MBOAT2: variants seen among roughly 807,000 people sequenced by gnomAD.
MBOAT2 encodes membrane bound glycerophospholipid O-acyltransferase 2.
MBOAT2 carries 28 observed loss-of-function variants against 63.4 expected under a neutral mutation model. That is an observed-to-expected ratio of 0.44 (90% CI 0.33 to 0.61). The LOEUF is 0.61. MBOAT2 is among the 20% of genes least tolerant of loss of function. The pLI is 0.03. For synonymous variants in MBOAT2, 211 were observed against 215.6 expected (o/e 0.98, Z 0.19); for missense variants, 470 against 605.8 (o/e 0.78, Z 2.35).
At position 8,854,860 on chromosome 2, in the gene MBOAT2, TA is replaced by T. The variant is rs535594721; in HGVS notation, c.*3818del. 3.9e-5 allele frequency: 6 copies of T among 152,360 alleles called. No homozygotes were observed. In the East Asian group the frequency reaches 1.2e-3, roughly 29 times the overall value. The allele number at this position is 152,360 out of a possible 1,614,324, so 9.4% of individuals were successfully genotyped here. A position where few individuals can be genotyped will look rare whatever the true frequency, so the allele number is the denominator to read the frequency against. On this transcript the variant is annotated 3_prime_UTR_variant, in exon 13 of 13. Coordinates refer to ENST00000305997, the MANE Select transcript of MBOAT2 (RefSeq NM_138799.4). ...AGGTGTAACTAAACTAAATATGCTT[TA>T]AATATCCTTGAATAACTTTGAGATG...
chr2:8,947,720 G>A (rs959806535), intron 2 of MBOAT2, among the ~76,000 whole-genome samples: 20 of 152,134 alleles, frequency 1.3e-4, no homozygotes, highest in African/African-American at 4.3e-4. Flanking sequence ...GCCCCTTGTC[G>A]AGATCCATTG....
At position 8,857,313 on chromosome 2, in the gene MBOAT2, C is replaced by T. The variant is rs1321917290; in HGVS notation, c.*1366G>A. 6.6e-6 allele frequency: 1 copy of T among 152,668 alleles called. No individual in the cohort carries two copies. Among genetic ancestry groups the T allele is most frequent in the Non-Finnish European group, 1.5e-5 (1 of 68,050 alleles). The allele number at this position is 152,668 out of a possible 1,614,324, so 9.5% of individuals were successfully genotyped here. A position where few individuals can be genotyped will look rare whatever the true frequency, so the allele number is the denominator to read the frequency against. On this transcript the variant is annotated 3_prime_UTR_variant, in exon 13 of 13. Coordinates refer to ENST00000305997, the MANE Select transcript of MBOAT2 (RefSeq NM_138799.4). ...GTACAATCTGGGGCTGAGGCCACTC[C>T]ACTGCCTGGCATCAAATCCCACTCT...
intron 4 of MBOAT2, among the ~76,000 whole-genome samples, chr2:8,888,606 A>G (rs1292659667): frequency 6.6e-6 from 1 of 152,208 alleles, no homozygotes; most frequent in East Asian, 1.9e-4. Flanking sequence ...AAATGGCATT[A>G]TTTTCCCATA....
Position 8,939,902 on chromosome 2 carries a change from T to C in MBOAT2, c.299+3285A>G, listed in dbSNP as rs552892624. On this transcript the variant is annotated intron_variant, in intron 3 of 12. Coordinates refer to ENST00000305997, the MANE Select transcript of MBOAT2 (RefSeq NM_138799.4). ...TAATTCCTTTAACAGCAATAGTTTT[T>C]CGTTTCATAAAAAGTGATAAAGGGC... 2.0e-5 allele frequency among the ~76,000 whole-genome samples: 3 copies of C among 152,334 alleles called. 1 individual carries two copies. The South Asian group carries it at 6.2e-4, about 32-fold the overall frequency.
At chr2:9,001,380 T>G (rs1318250366) in intron 1 of MBOAT2, among the ~76,000 whole-genome samples, 5 of 152,178 alleles carry the variant, frequency 3.3e-5, no homozygotes, top group Admixed American at 6.5e-5. Flanking sequence ...CACATTAGGT[T>G]TGTTTACACT....
At chr2:8,951,834 C>T (rs979316038) in intron 2 of MBOAT2, among the ~76,000 whole-genome samples, 5 of 152,116 alleles carry the variant, frequency 3.3e-5, no homozygotes, top group Non-Finnish European at 7.4e-5. Context: ...GTTAATCTAG[C>T]TAGCAATCTA....
chr2:8,864,142 T>C (rs1389428393), intron 10 of MBOAT2, 28 bp downstream of exon 10: 1 of 1,516,378 alleles, frequency 6.6e-7, no homozygotes, highest in Non-Finnish European at 8.9e-7. Context: ...CCAAAGCACA[T>C]CTAAAGATCG....
chr2:8,966,876 A>C (rs559133113), intron 1 of MBOAT2, among the ~76,000 whole-genome samples: 13 of 152,328 alleles, frequency 8.5e-5, no homozygotes, highest in African/African-American at 2.9e-4. Context: ...GGGGACTAGG[A>C]GAGGCATGTA....
At chr2:8,908,994 T>A (rs1020079282) in intron 3 of MBOAT2, among the ~76,000 whole-genome samples, 3 of 152,200 alleles carry the variant, frequency 2.0e-5, no homozygotes, top group Non-Finnish European at 4.4e-5. Flanking sequence ...ATCACAAGCA[T>A]AAACCTGTGG....
chr2:8,934,314 AT>A (rs899752926), intron 3 of MBOAT2, among the ~76,000 whole-genome samples: 1 of 152,006 alleles, frequency 6.6e-6, no homozygotes, highest in Non-Finnish European at 1.5e-5. Flanking sequence ...TATTTAGAGT[AT>A]TTTTTTTAAT....
intron 1 of MBOAT2, among the ~76,000 whole-genome samples, chr2:8,974,625 G>C (rs998010344): frequency 1.3e-5 from 2 of 152,166 alleles, no homozygotes; most frequent in Non-Finnish European, 2.9e-5. Flanking sequence ...GCCTCTGAGG[G>C]TGGAGGATGT....
At chr2:8,976,278 A>AT (rs1485298048) in intron 1 of MBOAT2, among the ~76,000 whole-genome samples, 2 of 152,116 alleles carry the variant, frequency 1.3e-5, no homozygotes, top group African/African-American at 4.8e-5. Context: ...CAGGCTAATA[A>AT]TGAGTGCTTG....
chr2:8,880,435 G>A (rs1663026869), intron 6 of MBOAT2, among the ~76,000 whole-genome samples: 1 of 152,156 alleles, frequency 6.6e-6, no homozygotes, highest in Non-Finnish European at 1.5e-5. Flanking sequence ...GGAGGAGGGA[G>A]ACAAATCAGA....
chr2:8,974,429 G>A (rs949847501), intron 1 of MBOAT2: 7 of 456,338 alleles, frequency 1.5e-5, no homozygotes, highest in African/African-American at 1.0e-4. Flanking sequence ...ATCATGTGGC[G>A]GGCAGCCTAG....
rs1387270434 is a variant in MBOAT2, at chr2:8,988,728, CT to C, written c.75+14811del. Among the ~76,000 whole-genome samples the C allele has an allele frequency of 6.6e-5, 10 of 152,008 alleles. 1 individual carries two copies. The South Asian group carries it at 1.0e-3, about 16-fold the overall frequency. ...TTCCATTCAAATAATGAAAAACAGC[CT>C]TTTTCATGAAAAAGCTCTATTTGTG... is the stretch of plus-strand genomic sequence containing the variant. On this transcript the variant is annotated intron_variant, in intron 1 of 12. Transcript: ENST00000305997.
chr2:8,977,773 G>T (rs1392851171), intron 1 of MBOAT2, among the ~76,000 whole-genome samples: 1 of 152,120 alleles, frequency 6.6e-6, no homozygotes, highest in Non-Finnish European at 1.5e-5. Context: ...GGGAACTGCT[G>T]ATTCCCCTCA....
chr2:8,895,234 G>A (rs1324591960), intron 4 of MBOAT2, among the ~76,000 whole-genome samples: 1 of 151,998 alleles, frequency 6.6e-6, no homozygotes, highest in Non-Finnish European at 1.5e-5. Context: ...CAATTTTACA[G>A]AGTGCTGATA....
chr2:8,978,817 C>G (rs1487359241), intron 1 of MBOAT2, among the ~76,000 whole-genome samples: 1 of 151,498 alleles, frequency 6.6e-6, no homozygotes, highest in Non-Finnish European at 1.5e-5. Context: ...TATCCCAGAA[C>G]TTACAGTAAA....
At position 8,981,722 on chromosome 2, in the gene MBOAT2, G is replaced by C. The variant is rs1458421625; in HGVS notation, c.75+21818C>G. ...AGAGAGGAAGGGAGACAGAGATGAA[G>C]AACACAGTGTTTATTGTTGGACTAT... is the stretch of plus-strand genomic sequence containing the variant. On this transcript the variant is annotated intron_variant, in intron 1 of 12. Transcript: ENST00000305997. 2.0e-5 allele frequency among the ~76,000 whole-genome samples: 3 copies of C among 152,136 alleles called. No homozygotes were observed. In the East Asian group the frequency reaches 5.8e-4, roughly 29 times the overall value.
Sources: gnomAD v4.1 joint callset for allele counts (sites outside exome capture counted in the v4.1 genomes callset) on GRCh38, gnomAD v4.1.1 for gene constraint, MANE v1.5 for transcripts, NCBI Gene and HGNC (gene_info 2026-07-23, HGNC 2026-07-21) for gene names.